Variants in PLEKHA1 observed in about 807,000 individuals in gnomAD.
PLEKHA1 encodes pleckstrin homology domain containing A1.
In PLEKHA1, 34 loss-of-function variants were observed where a neutral mutation model predicts 52.0. That is an observed-to-expected ratio of 0.65 (90% CI 0.50 to 0.87). The LOEUF (loss-of-function observed/expected upper bound fraction) is 0.87, where lower values mean the gene tolerates loss of function less well. Ranked by LOEUF, PLEKHA1 falls within the 40% of genes least tolerant of loss-of-function variation. The probability of loss-of-function intolerance (pLI) is 0.00; values close to 1 mark genes in which losing one functional copy is unlikely to be tolerated. For missense variants in PLEKHA1, 497 were observed against 504.2 expected (o/e 0.99, Z 0.14); for synonymous variants, 163 against 170.7 (o/e 0.95, Z 0.35).
intron 7 of PLEKHA1, among the ~76,000 whole-genome samples, chr10:122,416,626 T>C (rs554664616): frequency 7.2e-5 from 11 of 152,218 alleles, no homozygotes; most frequent in Non-Finnish European, 4.4e-5. Context: ...TCCCATATAA[T>C]CAGTTCCATG....
chr10:122,386,814 A>G (rs1021284572), intron 1 of PLEKHA1: 1 of 152,230 alleles, frequency 6.6e-6, no homozygotes, highest in African/African-American at 2.4e-5. Flanking sequence ...GATTGGTAGA[A>G]TTCACATATG....
In PLEKHA1 at chr10:122,397,926, T is replaced by G; in HGVS notation, c.150T>G (p.Pro50=). 1 of 1,605,694 alleles carries G rather than the reference T, an allele frequency of 6.2e-7. No individual in the cohort carries two copies. The highest frequency in any genetic ancestry group is 2.2e-5 in the East Asian group (1 of 44,720). ...TAATACTTTGTTTCTAGAACCTACCTTCTGGATCATCACGTGTTGGAGCCA... is the reference window on the plus strand; with the variant it reads ...TAATACTTTGTTTCTAGAACCTACCGTCTGGATCATCACGTGTTGGAGCCA... ...VWYMDNPQNL[P]SGSSRVGAIK... The change falls in exon 3 of 12, where the codon CCT becomes CCG. Residue 50 remains proline, a synonymous_variant. Coordinates refer to ENST00000368990, the MANE Select transcript of PLEKHA1 (RefSeq NM_001001974.4).
intron 1 of PLEKHA1, among the ~76,000 whole-genome samples, chr10:122,378,228 C>T (rs2096564833): frequency 6.6e-6 from 1 of 152,098 alleles, no homozygotes; most frequent in Admixed American, 6.5e-5. Flanking sequence ...TCAGGTGTTC[C>T]CTCCCATTAT....
chr10:122,380,923 G>C (rs181373842), intron 1 of PLEKHA1, among the ~76,000 whole-genome samples: 1 of 152,214 alleles, frequency 6.6e-6, no homozygotes, highest in East Asian at 1.9e-4. Context: ...TGAGGAGTGT[G>C]ACTCTAGAGC....
chr10:122,436,993 C>CTTTTTTTTTTTTTTT (rs34565375), downstream of PLEKHA1: 2 of 84,844 alleles, frequency 2.4e-5, no homozygotes, highest in African/African-American at 4.7e-5. Flanking sequence ...TTACATCAGC[C>CTTTTTTTTTTTTTTT]TTTTTTTTTT....
intron 6 of PLEKHA1, among the ~76,000 whole-genome samples, chr10:122,414,783 A>G (rs2097150787): frequency 6.6e-6 from 1 of 152,206 alleles, no homozygotes; most frequent in South Asian, 2.1e-4. Context: ...GCTGAAATAA[A>G]AGTGACGACA....
At chr10:122,394,752 C>T (rs1359710474) in intron 2 of PLEKHA1, among the ~76,000 whole-genome samples, 1 of 152,158 alleles carries the variant, frequency 6.6e-6, no homozygotes, top group Non-Finnish European at 1.5e-5. Flanking sequence ...TTGCACAGTT[C>T]TGCCTATTTT....
intron 1 of PLEKHA1, among the ~76,000 whole-genome samples, chr10:122,375,260 A>G (rs1305338849): frequency 2.0e-5 from 3 of 151,644 alleles, no homozygotes; most frequent in African/African-American, 7.3e-5. Flanking sequence ...CGCCGGTCGG[A>G]GCGCCTCCCT....
intron 1 of PLEKHA1, among the ~76,000 whole-genome samples, chr10:122,380,658 G>T (rs2133621041): frequency 6.6e-6 from 1 of 152,256 alleles, no homozygotes. Flanking sequence ...TTTACTTTGA[G>T]TGAGATGGGA....
chr10:122,423,257 C>T (rs1325791783), intron 8 of PLEKHA1: 1 of 151,288 alleles, frequency 6.6e-6, no homozygotes, highest in East Asian at 1.9e-4. Context: ...AACCCCATCT[C>T]TACTAAAAGT....
intron 1 of PLEKHA1, among the ~76,000 whole-genome samples, chr10:122,386,346 T>C (rs1324202217): frequency 6.6e-6 from 1 of 152,146 alleles, no homozygotes; most frequent in Non-Finnish European, 1.5e-5. Flanking sequence ...GGTTGTCTTA[T>C]TATTGAATTG....
Position 122,392,611 on chromosome 10 carries a change from C to A in PLEKHA1, c.-20-570C>A, listed in dbSNP as rs188232995. Among the ~76,000 whole-genome samples the A allele has an allele frequency of 5.3e-5, 8 of 152,164 alleles. No individual in the cohort carries two copies. The East Asian group carries it at 1.4e-3, about 26-fold the overall frequency. On this transcript the variant is annotated intron_variant, in intron 1 of 11. Transcript: ENST00000368990. The stretch of plus-strand genomic sequence containing the variant: ...TAGAGTGCGGTAATCTGGATTCAGG[C>A]TTTGACTCTTGGCCTACTAGTTTTG...
chr10:122,375,181 G>C (rs1443435612), intron 1 of PLEKHA1, among the ~76,000 whole-genome samples: 1 of 151,938 alleles, frequency 6.6e-6, no homozygotes, highest in African/African-American at 2.4e-5. Flanking sequence ...CGAGCTCCTC[G>C]GCGTCTCCGC....
chr10:122,426,901 T>A, intron 10 of PLEKHA1, 41 bp from the exon 11 acceptor site: 1 of 1,529,334 alleles, frequency 6.5e-7, no homozygotes, highest in Non-Finnish European at 9.0e-7. Context: ...AGTAGGTGAT[T>A]TTGAGAAAAA....
intron 1 of PLEKHA1, among the ~76,000 whole-genome samples, chr10:122,380,024 A>G (rs769110189): frequency 3.9e-5 from 6 of 152,194 alleles, no homozygotes; most frequent in Non-Finnish European, 5.9e-5. Context: ...TAATAATATA[A>G]TTGTGTCTGG....
intron 8 of PLEKHA1, chr10:122,420,467 C>CT (rs1216956749): frequency 6.6e-5 from 10 of 152,142 alleles, no homozygotes. Flanking sequence ...CTTGTTTCTT[C>CT]TGTTTCACCA....
intron 8 of PLEKHA1, chr10:122,422,032 A>G (rs1282241973): frequency 1.3e-5 from 2 of 152,216 alleles, no homozygotes; most frequent in African/African-American, 4.8e-5. Flanking sequence ...TGTCAAAAGG[A>G]CACAGAAATT....
At chr10:122,399,752 T>G (rs1406538165) in intron 3 of PLEKHA1, among the ~76,000 whole-genome samples, 4 of 151,822 alleles carry the variant, frequency 2.6e-5, no homozygotes, top group Non-Finnish European at 5.9e-5. Context: ...CCAGCTAATT[T>G]TTTTTTGTAT....
chr10:122,391,668 T>C (rs72830795), intron 1 of PLEKHA1, among the ~76,000 whole-genome samples: 14,179 of 152,240 alleles, frequency 0.093, 787 homozygotes, highest in Middle Eastern at 0.17. Context: ...TCATGGCAAG[T>C]TGATAGCTTT....
Sources: allele counts gnomAD v4.1 joint callset (sites outside exome capture counted in the v4.1 genomes callset), GRCh38; gene constraint gnomAD v4.1.1; transcripts MANE v1.5; gene names NCBI Gene and HGNC (gene_info 2026-07-23, HGNC 2026-07-21).